Variants in LMBR1 observed in about 807,000 individuals in gnomAD.
LMBR1 encodes limb region 1 protein homolog.
LMBR1 carries 52 observed loss-of-function variants against 73.9 expected under a neutral mutation model. The observed-to-expected ratio is 0.70, with a 90% confidence interval of 0.56 to 0.89. The LOEUF is 0.89. Ranked by LOEUF, LMBR1 falls within the 40% of genes least tolerant of loss-of-function variation. The pLI, the probability that LMBR1 is intolerant of heterozygous loss-of-function variation, is 0.00. For missense variants in LMBR1, 539 were observed against 579.8 expected, an observed-to-expected ratio of 0.93 and a Z score of 0.72; for synonymous variants, 215 against 209.4, an observed-to-expected ratio of 1.03 and a Z score of -0.23.
At chr7:156,763,627 A>G (rs1190121544) in intron 6 of LMBR1, 42 bp downstream of exon 6, 2 of 1,528,732 alleles carry the variant, frequency 1.3e-6, no homozygotes, top group Non-Finnish European at 1.7e-6. Flanking sequence ...CCCAAACTAC[A>G]GTTTCCAGTA....
intron 5 of LMBR1, among the ~76,000 whole-genome samples, chr7:156,775,217 A>T (rs1825907861): frequency 6.6e-6 from 1 of 151,928 alleles, no homozygotes; most frequent in Admixed American, 6.6e-5. Context: ...AAAATTCAAA[A>T]ATTAGCTGGG....
intron 15 of LMBR1, among the ~76,000 whole-genome samples, chr7:156,690,625 T>A (rs899004113): frequency 6.6e-6 from 1 of 152,350 alleles, no homozygotes; most frequent in East Asian, 1.9e-4. Context: ...ACAGTCTCTA[T>A]CATCAGATGT....
At chr7:156,819,464 G>A (rs1834417560) in intron 4 of LMBR1, among the ~76,000 whole-genome samples, 1 of 152,056 alleles carries the variant, frequency 6.6e-6, no homozygotes, top group African/African-American at 2.4e-5. Context: ...TAATTATAAT[G>A]ACTTTTATTC....
chr7:156,832,702 C>T (rs908776397), intron 3 of LMBR1, among the ~76,000 whole-genome samples: 1 of 152,208 alleles, frequency 6.6e-6, no homozygotes, highest in Non-Finnish European at 1.5e-5. Flanking sequence ...CACACAGAAT[C>T]TTTCTCTTCC....
chr7:156,674,354 A>G (rs1405649485), downstream of LMBR1, among the ~76,000 whole-genome samples: 1 of 152,256 alleles, frequency 6.6e-6, no homozygotes, highest in Non-Finnish European at 1.5e-5. Context: ...GGAATGGGAA[A>G]TGTCATCTCT....
At chr7:156,778,850 C>G (rs1826609495) in intron 5 of LMBR1, among the ~76,000 whole-genome samples, 1 of 152,182 alleles carries the variant, frequency 6.6e-6, no homozygotes, top group Non-Finnish European at 1.5e-5. Flanking sequence ...ACCAGCAGCA[C>G]AGCATATAAG....
intron 8 of LMBR1, among the ~76,000 whole-genome samples, chr7:156,758,133 T>C (rs937078824): frequency 6.6e-6 from 1 of 152,152 alleles, no homozygotes; most frequent in Non-Finnish European, 1.5e-5. Flanking sequence ...TGTGAGCTAC[T>C]CCCGAGGAGA....
In LMBR1 at chr7:156,807,724, C is replaced by CT. The variant is rs562707935; in HGVS notation, c.320-11233dup. 3.9e-4 allele frequency among the ~76,000 whole-genome samples: 60 copies of CT among 152,146 alleles called. 1 individual carries two copies. Among genetic ancestry groups the CT allele is most frequent in the Middle Eastern group, 6.8e-3 (2 of 294 alleles). On this transcript the variant is annotated intron_variant, in intron 4 of 16. Coordinates refer to ENST00000353442, the MANE Select transcript of LMBR1 (RefSeq NM_022458.4). The stretch of plus-strand genomic sequence containing the variant: ...GACTCTGCAGAAACTGATTTGAGGC[C>CT]TTTTTTCTGTTGTAATACAGGTATT...
intron 9 of LMBR1, among the ~76,000 whole-genome samples, chr7:156,754,203 T>C (rs1821436730): frequency 6.6e-6 from 1 of 152,086 alleles, no homozygotes; most frequent in Non-Finnish European, 1.5e-5. Flanking sequence ...GAACAAAACC[T>C]CCCAATAGCT....
chr7:156,748,877 C>G (rs1820332747), intron 9 of LMBR1, among the ~76,000 whole-genome samples: 1 of 152,104 alleles, frequency 6.6e-6, no homozygotes, highest in African/African-American at 2.4e-5. Context: ...TTCATTATTC[C>G]TAAGCATTCC....
At chr7:156,707,341 G>A (rs916352778) in intron 15 of LMBR1, among the ~76,000 whole-genome samples, 1 of 152,118 alleles carries the variant, frequency 6.6e-6, no homozygotes, top group Non-Finnish European at 1.5e-5. Flanking sequence ...TCCTGAAACT[G>A]TTCCCAAAAA....
At chr7:156,725,401 C>A in intron 14 of LMBR1, 34 bp downstream of exon 14, 5 of 1,326,736 alleles carry the variant, frequency 3.8e-6, no homozygotes, top group Non-Finnish European at 5.3e-6. Flanking sequence ...GGAAGGCAAA[C>A]GAGAGGCCAC....
At chr7:156,732,601 A>G (rs763494531) in intron 10 of LMBR1, among the ~76,000 whole-genome samples, 1 of 152,176 alleles carries the variant, frequency 6.6e-6, no homozygotes, top group African/African-American at 2.4e-5. Context: ...TATGAAAAGA[A>G]ACAGCACTCA....
intron 1 of LMBR1, among the ~76,000 whole-genome samples, chr7:156,863,967 C>T (rs9886191): frequency 0.46 from 69,823 of 151,478 alleles, 16,269 homozygotes; most frequent in East Asian, 0.61. Flanking sequence ...CTGGCCAACA[C>T]GGTGAAACCT....
At chr7:156,809,960 T>C (rs893144546) in intron 4 of LMBR1, among the ~76,000 whole-genome samples, 6 of 152,106 alleles carry the variant, frequency 3.9e-5, no homozygotes, top group Admixed American at 6.5e-5. Flanking sequence ...AGTTTCCAAA[T>C]ATTTTTCTCA....
Position 156,728,023 on chromosome 7 carries a change from C to A in LMBR1, c.916-16G>T. 6.3e-7 allele frequency: 1 copy of A among 1,594,966 alleles called. No individual in the cohort carries two copies. The highest frequency in any genetic ancestry group is 1.7e-5 in the Admixed American group (1 of 59,568). On this transcript the variant is annotated splice_polypyrimidine_tract_variant and intron_variant, in intron 11 of 16. Transcript: ENST00000353442. ...CCGAGATGGACTACAAGACAAACAGCAAACTGTCAGCTCTCAAGATTTTTC... is the reference window on the plus strand; with the variant it reads ...CCGAGATGGACTACAAGACAAACAGAAAACTGTCAGCTCTCAAGATTTTTC...
chr7:156,734,709 G>A (rs1257630326), intron 9 of LMBR1, among the ~76,000 whole-genome samples: 1 of 152,112 alleles, frequency 6.6e-6, no homozygotes, highest in Admixed American at 6.5e-5. Context: ...GTTCTAATTT[G>A]ATCTATTAAT....
intron 15 of LMBR1, 66 bp from the exon 16 acceptor site, chr7:156,688,257 T>C (rs2131886806): frequency 8.5e-7 from 1 of 1,172,016 alleles, no homozygotes; most frequent in Non-Finnish European, 1.2e-6. Flanking sequence ...GTGCTACAAG[T>C]AAAGTACAAG....
chr7:156,783,660 A>T (rs1022650779), intron 5 of LMBR1, among the ~76,000 whole-genome samples: 2 of 152,024 alleles, frequency 1.3e-5, no homozygotes, highest in Non-Finnish European at 2.9e-5. Context: ...ATCCTTGTTA[A>T]ATTTTTTTAT....
Sources: allele counts gnomAD v4.1 joint callset (sites outside exome capture counted in the v4.1 genomes callset), GRCh38; gene constraint gnomAD v4.1.1; transcripts MANE v1.5; gene names NCBI Gene and HGNC (gene_info 2026-07-23, HGNC 2026-07-21).